PLEKHH2: variants seen among roughly 807,000 people sequenced by gnomAD.
The protein encoded by PLEKHH2 is pleckstrin homology, MyTH4 and FERM domain containing H2, also known as pleckstrin homology domain-containing family H member 2.
PLEKHH2 carries 129 observed loss-of-function variants against 187.9 expected under a neutral mutation model. The observed-to-expected ratio is 0.69, with a 90% CI of 0.59 to 0.79. The LOEUF is 0.79. Among genes scored for constraint, PLEKHH2 ranks in the 30% least tolerant of loss-of-function variants. The probability of loss-of-function intolerance (pLI) is 0.00; values close to 1 mark genes in which losing one functional copy is unlikely to be tolerated. For missense variants in PLEKHH2, 2,076 were observed against 1,751.2 expected (o/e 1.19, Z -3.31); for synonymous variants, 686 against 605.6 (o/e 1.13, Z -1.95).
intron 27 of PLEKHH2, among the ~76,000 whole-genome samples, chr2:43,759,542 C>T (rs1421321117): frequency 6.6e-6 from 1 of 152,186 alleles, no homozygotes; most frequent in Non-Finnish European, 1.5e-5. Flanking sequence ...AGGAAGGAGA[C>T]CCACCCTGCC....
intron 3 of PLEKHH2, among the ~76,000 whole-genome samples, chr2:43,689,217 C>T (rs1283886421): frequency 6.6e-6 from 1 of 152,192 alleles, no homozygotes; most frequent in Non-Finnish European, 1.5e-5. Flanking sequence ...TAACCCTTTG[C>T]TGAACAGGAG....
In PLEKHH2 at chr2:43,679,354, A is replaced by G. The variant is rs368845444; in HGVS notation, c.186+429A>G. Among the ~76,000 whole-genome samples, 15 of 152,278 alleles carry G rather than the reference A, an allele frequency of 9.9e-5. 1 individual carries two copies. Among genetic ancestry groups the G allele is most frequent in the African/African-American group, 3.6e-4 (15 of 41,560 alleles). ...AAAATAATTGTTTCTAAGGATTTGC[A>G]TTAATATGTAAAAATGCTTAGAGTT... On this transcript the variant is annotated intron_variant, in intron 3 of 29. Transcript: ENST00000282406.
Position 43,758,962 on chromosome 2 carries a change from G to A in PLEKHH2, c.4004G>A (p.Cys1335Tyr). Residue 1335 changes from cysteine to tyrosine, a missense_variant, in exon 27 of 30, where the codon TGT (cysteine) becomes TAT (tyrosine). Cys to Tyr is a radical substitution (Grantham distance 194, BLOSUM62 -2). Coordinates refer to ENST00000282406, the MANE Select transcript of PLEKHH2 (RefSeq NM_172069.4). The part of the protein sequence containing the change: ...MALRGHSAAD[C>Y]VRIYLTVARK... Reference sequence around the variant, plus strand: ...CTCCGGGGACACAGTGCTGCTGACTGTGTGCGCATTTATTTGACAGTAGCC... The same window carrying A: ...CTCCGGGGACACAGTGCTGCTGACTATGTGCGCATTTATTTGACAGTAGCC... 3 of 1,612,564 alleles carry A rather than the reference G, an allele frequency of 1.9e-6. No individual in the cohort carries two copies. The highest frequency in any genetic ancestry group is 1.7e-6 in the Non-Finnish European group (2 of 1,178,708).
chr2:43,707,378 G>A lies in PLEKHH2; in HGVS notation c.1822-23G>A, dbSNP rs530354165. On this transcript the variant is annotated intron_variant, in intron 10 of 29. Coordinates refer to ENST00000282406, the MANE Select transcript of PLEKHH2 (RefSeq NM_172069.4). ...TGGTAACATTAGGGATGGATACAGG[G>A]AGGTTGTTCCACTTTTCTTTAGAAG... 2.5e-6 allele frequency: 4 copies of A among 1,613,680 alleles called. No individual in the cohort carries two copies. In the African/African-American group the frequency reaches 5.3e-5, roughly 22 times the overall value.
chr2:43,668,328 G>A (rs1418800124), intron 2 of PLEKHH2, among the ~76,000 whole-genome samples: 1 of 152,048 alleles, frequency 6.6e-6, no homozygotes, highest in Non-Finnish European at 1.5e-5. Flanking sequence ...CATCGCACCT[G>A]GCCACATTCT....
chr2:43,651,058 A>G (rs1005405509), intron 2 of PLEKHH2, among the ~76,000 whole-genome samples: 3 of 152,236 alleles, frequency 2.0e-5, no homozygotes, highest in African/African-American at 7.2e-5. Flanking sequence ...TTCAGAATTT[A>G]TAATTTGTAA....
intron 6 of PLEKHH2, among the ~76,000 whole-genome samples, chr2:43,696,293 T>A (rs901346761): frequency 2.0e-5 from 3 of 152,000 alleles, no homozygotes; most frequent in Non-Finnish European, 4.4e-5. Flanking sequence ...GGCAATATAG[T>A]GAGACCCCAT....
chr2:43,678,790 T>G, intron 2 of PLEKHH2, 73 bp from the exon 3 acceptor site: 1 of 1,073,206 alleles, frequency 9.3e-7, no homozygotes, highest in Non-Finnish European at 1.4e-6. Context: ...TTATGAGATT[T>G]TTAAAGCCTT....
chr2:43,710,072 G>A lies in PLEKHH2; in HGVS notation c.2049G>A (p.Gln683=). Residue 683 remains glutamine (Q), a synonymous_variant, in exon 12 of 30, where the codon CAG becomes CAA. Transcript: ENST00000282406. ...ACTCCACAGACACGGAGTACTCACA[G>A]CCAGAGCAGAAGCTCCCAAAAACTT... The part of the protein sequence containing the change: ...DAYSTDTEYS[Q]PEQKLPKTCS... 1.9e-6 allele frequency: 3 copies of A among 1,613,622 alleles called. No individual in the cohort carries two copies. Among genetic ancestry groups the A allele is most frequent in the Non-Finnish European group, 2.5e-6 (3 of 1,179,702 alleles).
intron 27 of PLEKHH2, 146 bp from the exon 28 acceptor site, chr2:43,762,158 T>G (rs1434992563): frequency 1.6e-6 from 1 of 613,532 alleles, no homozygotes; most frequent in East Asian, 2.9e-5. Flanking sequence ...TATACCACCC[T>G]GCCTCTTTCC....
chr2:43,697,383 T>G (rs779556543), intron 7 of PLEKHH2, 27 bp downstream of exon 7: 4 of 1,542,442 alleles, frequency 2.6e-6, no homozygotes, highest in South Asian at 2.5e-5. Context: ...GGAATTGACT[T>G]TGGCATTTTT....
intron 24 of PLEKHH2, among the ~76,000 whole-genome samples, chr2:43,749,588 C>T (rs1242086631): frequency 3.9e-5 from 6 of 152,164 alleles, no homozygotes; most frequent in Non-Finnish European, 7.3e-5. Flanking sequence ...AGTAAAACCT[C>T]ATGACAATGT....
Position 43,678,853 on chromosome 2 carries a change from C to T in PLEKHH2, c.124-10C>T, listed in dbSNP as rs775334139. On this transcript the variant is annotated splice_polypyrimidine_tract_variant and intron_variant, in intron 2 of 29. Coordinates refer to ENST00000282406, the MANE Select transcript of PLEKHH2 (RefSeq NM_172069.4). ...AAATTTTTGTATTTATATTTTCCCT[C>T]ACTCTACAGATGCAACAGCTTGAGA... 9 of 1,576,184 alleles carry T rather than the reference C, an allele frequency of 5.7e-6. No homozygotes were observed. The highest frequency in any genetic ancestry group is 1.2e-5 in the South Asian group (1 of 86,226).
chr2:43,713,447 G>C (rs895441296), intron 15 of PLEKHH2, among the ~76,000 whole-genome samples: 1 of 152,094 alleles, frequency 6.6e-6, no homozygotes, highest in Non-Finnish European at 1.5e-5. Flanking sequence ...AAAAATGTTT[G>C]TACAACCATA....
intron 15 of PLEKHH2, among the ~76,000 whole-genome samples, chr2:43,719,525 C>T (rs141627993): frequency 1.4e-3 from 209 of 152,226 alleles, no homozygotes; most frequent in African/African-American, 4.4e-3. Flanking sequence ...CTGCAAACTC[C>T]GTGTCCCGGT....
At chr2:43,702,535 T>G (rs1453812727) in intron 8 of PLEKHH2, among the ~76,000 whole-genome samples, 1 of 146,984 alleles carries the variant, frequency 6.8e-6, no homozygotes, top group African/African-American at 2.5e-5. Context: ...TACTTTTTTT[T>G]TTTTTTTTTT....
chr2:43,670,196 G>A (rs1280535800), intron 2 of PLEKHH2, among the ~76,000 whole-genome samples: 1 of 152,152 alleles, frequency 6.6e-6, no homozygotes, highest in East Asian at 1.9e-4. Context: ...TTCTTACACT[G>A]ATAGTAATGC....
At chr2:43,760,219 T>A (rs1043924478) in intron 27 of PLEKHH2, among the ~76,000 whole-genome samples, 2 of 152,308 alleles carry the variant, frequency 1.3e-5, no homozygotes, top group African/African-American at 4.8e-5. Flanking sequence ...TAAATAATAA[T>A]ATTGCTTTTC....
intron 8 of PLEKHH2, among the ~76,000 whole-genome samples, chr2:43,700,953 C>G (rs190198828): frequency 6.6e-6 from 1 of 152,256 alleles, no homozygotes; most frequent in African/African-American, 2.4e-5. Context: ...TTCTTTTCTT[C>G]TTTCCTTTCA....
Sources: gnomAD v4.1 joint callset for allele counts (sites outside exome capture counted in the v4.1 genomes callset) on GRCh38, gnomAD v4.1.1 for gene constraint, MANE v1.5 for transcripts, NCBI Gene and HGNC (gene_info 2026-07-23, HGNC 2026-07-21) for gene names.